The following MAGI2 variants were observed in gnomAD, a reference collection of about 807,000 sequenced individuals.
MAGI2 encodes membrane associated guanylate kinase, WW and PDZ domain containing 2, also known as membrane-associated guanylate kinase, WW and PDZ domain-containing protein 2.
Under a neutral mutation model 133.3 loss-of-function variants are expected in MAGI2, and 35 were observed. The observed-to-expected ratio is 0.26, with a 90% CI of 0.20 to 0.35. MAGI2 has a LOEUF of 0.35. Among genes scored for constraint, MAGI2 ranks in the 10% least tolerant of loss-of-function variants. The pLI, the probability that MAGI2 is intolerant of heterozygous loss-of-function variation, is 1.00. For synonymous variants in MAGI2, 729 were observed against 710.6 expected (o/e 1.03, Z -0.41); for missense variants, 1,636 against 1,863.4 (o/e 0.88, Z 2.25).
At chr7:78,021,363 C>T (rs557935404) in intron 21 of MAGI2, among the ~76,000 whole-genome samples, 202 of 152,280 alleles carry the variant, frequency 1.3e-3, no homozygotes, top group African/African-American at 4.7e-3. Context: ...GCCAGGTGAG[C>T]CTCCCTCACT....
At chr7:79,002,201 G>A (rs1214864844) in intron 2 of MAGI2, among the ~76,000 whole-genome samples, 2 of 150,250 alleles carry the variant, frequency 1.3e-5, no homozygotes, top group African/African-American at 4.9e-5. Flanking sequence ...GTGCAATCAT[G>A]GCTCACTGCA....
chr7:78,540,561 A>C (rs1418499696), intron 3 of MAGI2, among the ~76,000 whole-genome samples: 1 of 152,012 alleles, frequency 6.6e-6, no homozygotes, highest in Non-Finnish European at 1.5e-5. Flanking sequence ...ACCTGCCATG[A>C]CTTATGTGCT....
intron 3 of MAGI2, among the ~76,000 whole-genome samples, chr7:78,610,259 T>C (rs1806292727): frequency 6.6e-6 from 1 of 152,176 alleles, no homozygotes; most frequent in Non-Finnish European, 1.5e-5. Context: ...ATCAATCCAA[T>C]TGCTTCAGGG....
At chr7:78,375,360 C>T (rs537446779) in intron 6 of MAGI2, among the ~76,000 whole-genome samples, 199 of 152,032 alleles carry the variant, frequency 1.3e-3, no homozygotes, top group Non-Finnish European at 2.5e-3. Flanking sequence ...TCTTGGGAGG[C>T]GGTGTCTTGT....
intron 10 of MAGI2, among the ~76,000 whole-genome samples, chr7:78,237,809 A>C (rs992339928): frequency 6.6e-6 from 1 of 152,214 alleles, no homozygotes; most frequent in Non-Finnish European, 1.5e-5. Context: ...TAGTACATGC[A>C]AATAAATGTA....
At chr7:79,044,583 C>A (rs970128753) in intron 1 of MAGI2, among the ~76,000 whole-genome samples, 1 of 151,974 alleles carries the variant, frequency 6.6e-6, no homozygotes, top group Non-Finnish European at 1.5e-5. Context: ...ATCAATTGGG[C>A]AAGAGAAAGA....
chr7:79,251,433 T>C lies in MAGI2; in HGVS notation c.301+201587A>G, dbSNP rs529928687. The stretch of plus-strand genomic sequence containing the variant: ...ATAAAAAATGGGCAAAAGATCTGAA[T>C]AGAGATTTCTCAAAAAAAAAGGGAC... On this transcript the variant is annotated intron_variant, in intron 1 of 21. Coordinates refer to ENST00000354212, the MANE Select transcript of MAGI2 (RefSeq NM_012301.4). Among the ~76,000 whole-genome samples, 63 of 75,592 alleles carry C rather than the reference T, an allele frequency of 8.3e-4. 1 individual carries two copies. In the South Asian group the frequency reaches 0.011, roughly 14 times the overall value. 49.6% of individuals were successfully genotyped at this position (75,592 alleles called of 152,430 possible). A position where few individuals can be genotyped will look rare whatever the true frequency, so the allele number is the denominator to read the frequency against.
chr7:78,637,383 C>T (rs1809783829), intron 2 of MAGI2, among the ~76,000 whole-genome samples: 1 of 151,418 alleles, frequency 6.6e-6, no homozygotes, highest in African/African-American at 2.4e-5. Context: ...TTGGGAAAGA[C>T]TTAGGAGCTT....
chr7:78,195,932 C>T (rs772190344), intron 11 of MAGI2, among the ~76,000 whole-genome samples: 5 of 152,090 alleles, frequency 3.3e-5, no homozygotes, highest in South Asian at 2.1e-4. Context: ...TGACCGGCAG[C>T]GTATGTAAGA....
intron 20 of MAGI2, among the ~76,000 whole-genome samples, chr7:78,115,067 A>T (rs867517136): frequency 2.9e-4 from 44 of 152,228 alleles, no homozygotes; most frequent in African/African-American, 1.0e-3. Context: ...GGAAGAAAGT[A>T]AAGAATCATC....
chr7:78,999,289 G>C (rs1360764814), intron 2 of MAGI2, among the ~76,000 whole-genome samples: 1 of 151,910 alleles, frequency 6.6e-6, no homozygotes, highest in Admixed American at 6.6e-5. Flanking sequence ...ATCGTATACT[G>C]TTGGTGCTTA....
At chr7:79,376,871 A>T (rs750965902) in intron 1 of MAGI2, among the ~76,000 whole-genome samples, 6 of 150,948 alleles carry the variant, frequency 4.0e-5, no homozygotes, top group Admixed American at 4.0e-4. Flanking sequence ...AACACAAGAG[A>T]AACATCAAAA....
intron 2 of MAGI2, among the ~76,000 whole-genome samples, chr7:78,952,194 A>G (rs991654578): frequency 6.6e-6 from 1 of 152,102 alleles, no homozygotes; most frequent in Admixed American, 6.6e-5. Flanking sequence ...AAAAGTTAAG[A>G]CTTCTGGTCT....
At chr7:79,221,022 A>C (rs890265000) in intron 1 of MAGI2, among the ~76,000 whole-genome samples, 2 of 151,954 alleles carry the variant, frequency 1.3e-5, no homozygotes, top group African/African-American at 2.4e-5. Flanking sequence ...AAAACCTGAG[A>C]GGAAGAGCAA....
chr7:79,339,295 T>G (rs1284487402), intron 1 of MAGI2, among the ~76,000 whole-genome samples: 1 of 152,064 alleles, frequency 6.6e-6, no homozygotes. Context: ...TATTTACTGT[T>G]TTGTACTGTT....
chr7:78,673,529 G>A (rs530770000), intron 2 of MAGI2, among the ~76,000 whole-genome samples: 5 of 152,094 alleles, frequency 3.3e-5, no homozygotes, highest in South Asian at 4.2e-4. Context: ...AGACACAAGA[G>A]GAACCAATGT....
chr7:78,431,098 G>GTGTGTGTGTGTGTT (rs1465823798), intron 6 of MAGI2, among the ~76,000 whole-genome samples: 4 of 151,766 alleles, frequency 2.6e-5, no homozygotes, highest in African/African-American at 9.7e-5. Context: ...GTGTGTGTGT[G>GTGTGTGTGTGTGTT]TGTGTGTTTT....
chr7:78,711,467 G>A (rs183922491), intron 2 of MAGI2, among the ~76,000 whole-genome samples: 15 of 152,104 alleles, frequency 9.9e-5, no homozygotes, highest in Non-Finnish European at 2.1e-4. Context: ...GTCTGCTTTT[G>A]CTCTCTAATT....
intron 2 of MAGI2, among the ~76,000 whole-genome samples, chr7:78,877,248 G>A (rs986752964): frequency 3.3e-5 from 5 of 152,156 alleles, no homozygotes; most frequent in Non-Finnish European, 5.9e-5. Context: ...GAGTTTTGTT[G>A]TGTTATGTAT....
Sources: allele counts gnomAD v4.1 joint callset (sites outside exome capture counted in the v4.1 genomes callset), GRCh38; gene constraint gnomAD v4.1.1; transcripts MANE v1.5; gene names NCBI Gene and HGNC (gene_info 2026-07-23, HGNC 2026-07-21).